Variants in TM9SF3 observed in about 807,000 individuals in gnomAD.
TM9SF3 encodes transmembrane 9 superfamily member 3.
A neutral mutation model predicts 78.6 loss-of-function variants in TM9SF3; 14 were observed. That is an observed-to-expected ratio of 0.18 (90% CI 0.12 to 0.28). TM9SF3 has a LOEUF of 0.28. Ranked by LOEUF, TM9SF3 falls within the 10% of genes least tolerant of loss-of-function variation. The pLI is 1.00. For missense variants in TM9SF3, 496 were observed against 721.9 expected (o/e 0.69, Z 3.59); for synonymous variants, 231 against 241.7 (o/e 0.96, Z 0.41).
intron 11 of TM9SF3, among the ~76,000 whole-genome samples, chr10:96,529,966 C>T (rs137935779): frequency 5.5e-4 from 84 of 152,244 alleles, no homozygotes; most frequent in African/African-American, 1.8e-3. Flanking sequence ...TCAGGGGGCA[C>T]GGGGACATAG....
chr10:96,523,436 A>G (rs755818618), intron 14 of TM9SF3, among the ~76,000 whole-genome samples: 3 of 151,834 alleles, frequency 2.0e-5, no homozygotes, highest in Non-Finnish European at 3.0e-5. Context: ...AAGGCTACCA[A>G]CTGGTTGATG....
chr10:96,570,752 C>CA (rs1444849847), intron 2 of TM9SF3, among the ~76,000 whole-genome samples: 6 of 149,996 alleles, frequency 4.0e-5, no homozygotes, highest in Non-Finnish European at 7.4e-5. Context: ...GGGAAAAAAA[C>CA]AAAAAAAATT....
chr10:96,585,955 C>T (rs1257080205), intron 1 of TM9SF3, among the ~76,000 whole-genome samples: 1 of 152,208 alleles, frequency 6.6e-6, no homozygotes, highest in Non-Finnish European at 1.5e-5. Context: ...AAACAAACTG[C>T]CAATCACCTT....
Position 96,519,936 on chromosome 10 carries a change from C to G in TM9SF3, c.*2327G>C, listed in dbSNP as rs935694770. Reference sequence around the variant, plus strand: ...AGAAAATTATTTTTCACCACAGATTCCAAAGAACTTCAAATAGAGCTCAAT... The same window carrying G: ...AGAAAATTATTTTTCACCACAGATTGCAAAGAACTTCAAATAGAGCTCAAT... On this transcript the variant is annotated 3_prime_UTR_variant, in exon 15 of 15. Coordinates refer to ENST00000371142, the MANE Select transcript of TM9SF3 (RefSeq NM_020123.4). 1 of 151,812 alleles carries G rather than the reference C, an allele frequency of 6.6e-6. No homozygotes were observed. Among genetic ancestry groups the G allele is most frequent in the African/African-American group, 2.4e-5 (1 of 41,388 alleles). 9.4% of individuals were successfully genotyped at this position (151,812 alleles called of 1,614,324 possible). A position where few individuals can be genotyped will look rare whatever the true frequency, so the allele number is the denominator to read the frequency against.
At chr10:96,530,741 A>G (rs578141742) in intron 10 of TM9SF3, 133 bp from the exon 11 acceptor site, 2 of 751,850 alleles carry the variant, frequency 2.7e-6, no homozygotes, top group South Asian at 4.5e-5. Flanking sequence ...TAAAATGAAA[A>G]GCCAAAACCC....
chr10:96,559,619 G>C (rs531037851), intron 5 of TM9SF3, 40 bp downstream of exon 5: 1 of 1,393,490 alleles, frequency 7.2e-7, no homozygotes, highest in South Asian at 1.3e-5. Context: ...GAACGAATTG[G>C]TGCACATAAT....
rs189563290 is a variant in TM9SF3 at position 96,528,523 on chromosome 10, C to T, written c.1395-346G>A. 5.9e-4 allele frequency among the ~76,000 whole-genome samples: 89 copies of T among 151,960 alleles called. 1 individual carries two copies. The East Asian group carries it at 0.016, about 27-fold the overall frequency. On this transcript the variant is annotated intron_variant, in intron 11 of 14. Transcript: ENST00000371142. ...TCCATATTGTTTTGTAGATACAACA[C>T]AATTCAAGCAATGTAGTTTGTATTT... is the stretch of plus-strand genomic sequence containing the variant.
chr10:96,570,651 T>C (rs1848428235), intron 2 of TM9SF3, among the ~76,000 whole-genome samples: 2 of 152,310 alleles, frequency 1.3e-5, no homozygotes, highest in South Asian at 2.1e-4. Flanking sequence ...ACCACAAGTA[T>C]ATTTCTTCTC....
At chr10:96,548,073 T>A in intron 7 of TM9SF3, 84 bp from the exon 8 acceptor site, 4 of 825,790 alleles carry the variant, frequency 4.8e-6, no homozygotes, top group South Asian at 4.1e-5. Context: ...ATTAGTTTAA[T>A]TTCAAAGATA....
chr10:96,527,078 TGAA>T (rs1160755735), intron 14 of TM9SF3, 132 bp downstream of exon 14: 5 of 646,740 alleles, frequency 7.7e-6, no homozygotes, highest in Non-Finnish European at 1.3e-5. Flanking sequence ...TCAAAAGGAC[TGAA>T]ATCAGACTCG....
intron 2 of TM9SF3, 161 bp downstream of exon 2, chr10:96,576,473 A>G (rs1848497733): frequency 1.8e-6 from 1 of 552,836 alleles, no homozygotes; most frequent in South Asian, 5.5e-5. Context: ...TGCTACTGGC[A>G]TCTGGGGGGT....
chr10:96,565,189 A>G, intron 3 of TM9SF3, 115 bp downstream of exon 3: 1 of 1,005,180 alleles, frequency 9.9e-7, no homozygotes, highest in Non-Finnish European at 1.3e-6. Context: ...TCTGTAAAAA[A>G]CAGTGAAAAC....
At chr10:96,527,115 AAAC>A in intron 14 of TM9SF3, 95 bp downstream of exon 14, 1 of 1,046,724 alleles carries the variant, frequency 9.6e-7, no homozygotes, top group Non-Finnish European at 1.4e-6. Flanking sequence ...GTTTCTGATC[AAAC>A]AACAGATAAA....
At chr10:96,537,788 T>C (rs1457697943) in intron 9 of TM9SF3, among the ~76,000 whole-genome samples, 1 of 152,128 alleles carries the variant, frequency 6.6e-6, no homozygotes, top group Non-Finnish European at 1.5e-5. Context: ...TTAAAAAATA[T>C]CATTCACCAA....
chr10:96,585,717 T>G (rs1848621010), intron 1 of TM9SF3, among the ~76,000 whole-genome samples: 1 of 152,220 alleles, frequency 6.6e-6, no homozygotes, highest in Non-Finnish European at 1.5e-5. Context: ...AGAAATGACA[T>G]AAGACTCCCT....
chr10:96,545,481 GAACAAT>G (rs1265291382), intron 8 of TM9SF3, among the ~76,000 whole-genome samples: 1 of 152,102 alleles, frequency 6.6e-6, no homozygotes, highest in Non-Finnish European at 1.5e-5. Flanking sequence ...GCCAGCATTG[GAACAAT>G]ACAAAAAGGT....
chr10:96,567,016 T>G (rs1848381359), intron 2 of TM9SF3, among the ~76,000 whole-genome samples: 1 of 151,402 alleles, frequency 6.6e-6, no homozygotes, highest in Non-Finnish European at 1.5e-5. Flanking sequence ...TAATGGTCAT[T>G]AACAATATGG....
intron 8 of TM9SF3, among the ~76,000 whole-genome samples, chr10:96,545,345 ATC>A (rs1848084153): frequency 6.6e-6 from 1 of 152,236 alleles, no homozygotes; most frequent in African/African-American, 2.4e-5. Context: ...CTTTTAAAAC[ATC>A]TGTTACAGAA....
In TM9SF3 at chr10:96,527,465, T is replaced by A; in HGVS notation, c.1573A>T (p.Thr525Ser). ...QWTSFLSAAS[T>S]AIYVYMYSFY... ...GAATACATGTAAACATAGATTGCAG[T>A]TGATGCAGCAGAGAGAAAACTTGTC... is the stretch of plus-strand genomic sequence containing the variant. Residue 525 changes from threonine (T) to serine (S), a missense_variant, in exon 13 of 15, where the codon ACT becomes TCT. Coordinates refer to ENST00000371142, the MANE Select transcript of TM9SF3 (RefSeq NM_020123.4). The A allele has an allele frequency of 6.2e-7, 1 of 1,611,266 alleles. No homozygotes were observed. Among genetic ancestry groups the A allele is most frequent in the Non-Finnish European group, 8.5e-7 (1 of 1,178,456 alleles).
Sources: allele counts gnomAD v4.1 joint callset (sites outside exome capture counted in the v4.1 genomes callset), GRCh38; gene constraint gnomAD v4.1.1; transcripts MANE v1.5; gene names NCBI Gene and HGNC (gene_info 2026-07-23, HGNC 2026-07-21).